The following RARB variants were observed in gnomAD, a reference collection of about 807,000 sequenced individuals.
The protein encoded by RARB is HBV-activated protein.
In RARB, 17 loss-of-function variants were observed where a neutral mutation model predicts 51.9. The ratio of observed to expected loss-of-function variants is 0.33; its 90% CI spans 0.22 to 0.49. The LOEUF (loss-of-function observed/expected upper bound fraction) is 0.49. Among genes scored for constraint, RARB ranks in the 20% least tolerant of loss-of-function variants. The probability of loss-of-function intolerance (pLI) is 0.99; values close to 1 mark genes in which losing one functional copy is unlikely to be tolerated. For missense variants in RARB, 369 were observed against 550.8 expected, an observed-to-expected ratio of 0.67 and a Z score of 3.30; for synonymous variants, 215 against 195.4, an observed-to-expected ratio of 1.10 and a Z score of -0.84.
intron 5 of RARB, among the ~76,000 whole-genome samples, chr3:25,286,083 CTTTTTTTTTT>C (rs33947703): frequency 2.6e-5 from 2 of 76,476 alleles, no homozygotes; most frequent in African/African-American, 5.7e-5. Context: ...TGATCTTTCT[CTTTTTTTTTT>C]TTTTTTTTTT....
chr3:25,087,340 A>G (rs1699122282), intron 3 of RARB, among the ~76,000 whole-genome samples: 1 of 152,088 alleles, frequency 6.6e-6, no homozygotes, highest in Non-Finnish European at 1.5e-5. Context: ...GATTTACAGA[A>G]TCTCAGGTTT....
chr3:25,111,706 G>A (rs539145198), intron 3 of RARB, among the ~76,000 whole-genome samples: 109 of 150,168 alleles, frequency 7.3e-4, no homozygotes, highest in Non-Finnish European at 1.3e-3. Context: ...AGCCTCCCGA[G>A]TAGCTGAGAT....
chr3:25,181,505 C>T (rs765242787), intron 5 of RARB, among the ~76,000 whole-genome samples: 4 of 152,026 alleles, frequency 2.6e-5, no homozygotes, highest in South Asian at 2.1e-4. Context: ...TCATTGGGAG[C>T]GCTGTAGAGA....
intron 2 of RARB, among the ~76,000 whole-genome samples, chr3:24,886,594 G>A (rs114004619): frequency 0.031 from 4,704 of 151,894 alleles, 103 homozygotes; most frequent in Middle Eastern, 0.065. Context: ...ACAAGCACAT[G>A]CCACCACGCC....
intron 3 of RARB, among the ~76,000 whole-genome samples, chr3:25,099,983 G>A (rs1699369629): frequency 6.6e-6 from 1 of 152,100 alleles, no homozygotes; most frequent in Non-Finnish European, 1.5e-5. Flanking sequence ...TCATTTCCTG[G>A]TTTCACTTGG....
chr3:24,893,336 T>C (rs11129170), intron 2 of RARB, among the ~76,000 whole-genome samples: 10,832 of 152,278 alleles, frequency 0.071, 470 homozygotes, highest in East Asian at 0.13. Flanking sequence ...AATTGAGGAA[T>C]AAAATAAACA....
chr3:25,212,680 C>A (rs1469169757), intron 5 of RARB, among the ~76,000 whole-genome samples: 1 of 152,042 alleles, frequency 6.6e-6, no homozygotes. Flanking sequence ...CCATTGTGTC[C>A]CTAAATCTTT....
intron 1 of RARB, among the ~76,000 whole-genome samples, chr3:25,433,678 G>C (rs1481978178): frequency 6.6e-6 from 1 of 152,030 alleles, no homozygotes; most frequent in African/African-American, 2.4e-5. Context: ...AAGTGGCTTG[G>C]TCTAAGTACC....
chr3:24,886,205 A>T (rs922099222), intron 2 of RARB, among the ~76,000 whole-genome samples: 19 of 152,126 alleles, frequency 1.2e-4, no homozygotes, highest in African/African-American at 4.3e-4. Context: ...TGACATTGAA[A>T]TATACCTGGC....
intron 3 of RARB, among the ~76,000 whole-genome samples, chr3:25,067,088 A>G (rs1698678412): frequency 6.6e-6 from 1 of 152,218 alleles, no homozygotes; most frequent in African/African-American, 2.4e-5. Flanking sequence ...ATATAGACTG[A>G]CATACACCCA....
At chr3:25,096,691 C>G (rs1699298348) in intron 3 of RARB, among the ~76,000 whole-genome samples, 1 of 152,066 alleles carries the variant, frequency 6.6e-6, no homozygotes, top group East Asian at 1.9e-4. Flanking sequence ...CCACTTTTAC[C>G]TGGGCTGAGT....
intron 2 of RARB, among the ~76,000 whole-genome samples, chr3:25,035,065 GA>G (rs1697957940): frequency 6.6e-6 from 1 of 152,182 alleles, no homozygotes; most frequent in Non-Finnish European, 1.5e-5. Context: ...GGATCGTAAT[GA>G]AAAAGCTGTT....
At chr3:24,836,896 A>T (rs1022809036) in intron 1 of RARB, among the ~76,000 whole-genome samples, 4 of 152,232 alleles carry the variant, frequency 2.6e-5, no homozygotes, top group Non-Finnish European at 5.9e-5. Flanking sequence ...TTTATCATTT[A>T]TATATGTATT....
chr3:25,378,197 C>A (rs866209941), intron 5 of RARB, among the ~76,000 whole-genome samples: 1 of 152,062 alleles, frequency 6.6e-6, no homozygotes, highest in African/African-American at 2.4e-5. Flanking sequence ...CATGCATGCA[C>A]GAGGGTATTT....
intron 2 of RARB, among the ~76,000 whole-genome samples, chr3:24,959,941 G>A (rs982570412): frequency 1.3e-5 from 2 of 152,152 alleles, no homozygotes; most frequent in African/African-American, 4.8e-5. Flanking sequence ...AGACTTATTC[G>A]AGATCTCTCA....
intron 2 of RARB, among the ~76,000 whole-genome samples, chr3:24,887,236 G>A (rs1242484036): frequency 1.3e-5 from 2 of 152,154 alleles, no homozygotes; most frequent in Admixed American, 6.5e-5. Context: ...TCAAGGCGGC[G>A]GGGTGGAGAG....
At chr3:25,204,051 C>T (rs940359270) in intron 5 of RARB, among the ~76,000 whole-genome samples, 1 of 152,236 alleles carries the variant, frequency 6.6e-6, no homozygotes, top group Non-Finnish European at 1.5e-5. Context: ...TTCTCCCCAT[C>T]ACTTTCGGGT....
Position 25,198,312 on chromosome 3 carries a change from T to C in RARB, c.178+23737T>C, listed in dbSNP as rs117064951. ...GACTTAAATCTAAAACCTCACACTA[T>C]GAAACAGCTAAAAGAAAATATTGGG... On this transcript the variant is annotated intron_variant, in intron 5 of 11. Transcript: ENST00000383772. Among the ~76,000 whole-genome samples, 951 of 152,114 alleles carry C rather than the reference T, an allele frequency of 6.3e-3. 17 individuals carry two copies. Among genetic ancestry groups the C allele is most frequent in the East Asian group, 0.03 (155 of 5,180 alleles).
At chr3:25,309,129 A>ATTT (rs1171133293) in intron 5 of RARB, among the ~76,000 whole-genome samples, 21 of 93,018 alleles carry the variant, frequency 2.3e-4, no homozygotes, top group African/African-American at 4.0e-4. Flanking sequence ...CTGTGCCTCC[A>ATTT]TTTTTTTTTT....
Sources: allele counts gnomAD v4.1 joint callset (sites outside exome capture counted in the v4.1 genomes callset), GRCh38; gene constraint gnomAD v4.1.1; transcripts MANE v1.5; gene names NCBI Gene and HGNC (gene_info 2026-07-23, HGNC 2026-07-21).